NEURL1B: variants seen among roughly 807,000 people sequenced by gnomAD.
NEURL1B encodes the protein E3 ubiquitin-protein ligase NEURL1B.
In NEURL1B, 13 loss-of-function variants were observed where a neutral mutation model predicts 37.4. The observed-to-expected ratio is 0.35, with a 90% CI of 0.23 to 0.55. The LOEUF (loss-of-function observed/expected upper bound fraction) is 0.55. Among genes scored for constraint, NEURL1B ranks in the 20% least tolerant of loss-of-function variants. NEURL1B has a pLI of 0.89. For synonymous variants in NEURL1B, 432 were observed against 426.6 expected (o/e 1.01, Z -0.16); for missense variants, 790 against 879.2 (o/e 0.90, Z 1.28).
chr5:172,650,246 T>A (rs543343184), intron 1 of NEURL1B, among the ~76,000 whole-genome samples: 75 of 152,252 alleles, frequency 4.9e-4, no homozygotes, highest in African/African-American at 1.7e-3. Context: ...AACAAGCAGA[T>A]CTCCATGTCT....
Position 172,686,817 on chromosome 5 carries a change from C to T in NEURL1B, c.1560C>T (p.His520=), listed in dbSNP as rs1758510260. The T allele has an allele frequency of 6.4e-7, 1 of 1,551,770 alleles. No homozygotes were observed. Among genetic ancestry groups the T allele is most frequent in the Non-Finnish European group, 8.7e-7 (1 of 1,147,350 alleles). ...EVDTVIYTCG[H]MCLCHSCGLR... Reference sequence around the variant, plus strand: ...ACACGGTCATCTACACGTGTGGACACATGTGCCTGTGCCACAGCTGCGGCC... The same window carrying T: ...ACACGGTCATCTACACGTGTGGACATATGTGCCTGTGCCACAGCTGCGGCC... The change falls in exon 5 of 5, where the codon CAC becomes CAT. Residue 520 remains histidine (H), a synonymous_variant. Transcript: ENST00000369800. The surrounding 1 kb of genome is among the most constrained non-coding windows in gnomAD (Gnocchi z 7.9).
At chr5:172,653,077 G>T (rs903724818) in intron 1 of NEURL1B, among the ~76,000 whole-genome samples, 1 of 152,112 alleles carries the variant, frequency 6.6e-6, no homozygotes, top group Non-Finnish European at 1.5e-5. Context: ...GAACGTGATC[G>T]CCAGGTTGGT....
Position 172,686,422 on chromosome 5 carries a change from A to G in NEURL1B, c.1423+126A>G. 9.5e-7 allele frequency: 1 copy of G among 1,052,096 alleles called. No homozygotes were observed. Among genetic ancestry groups the G allele is most frequent in the Non-Finnish European group, 1.4e-6 (1 of 725,784 alleles). 65.2% of individuals were successfully genotyped at this position (1,052,096 alleles called of 1,614,324 possible). A position where few individuals can be genotyped will look rare whatever the true frequency, so the allele number is the denominator to read the frequency against. ...TTCCCCCGCATCCTCTCCTTCCCTC[A>G]GCTGTATGCTCAGCTGGAGGGAGGA... is the stretch of plus-strand genomic sequence containing the variant. On this transcript the variant is annotated intron_variant, in intron 4 of 4. Coordinates refer to ENST00000369800, the MANE Select transcript of NEURL1B (RefSeq NM_001142651.3). The surrounding 1 kb of genome is among the most constrained non-coding windows in gnomAD (Gnocchi z 7.9).
In NEURL1B at chr5:172,687,077, G is replaced by A. The variant is rs1758518525; in HGVS notation, c.*152G>A. 1.1e-6 allele frequency: 1 copy of A among 924,844 alleles called. No individual in the cohort carries two copies. Among genetic ancestry groups the A allele is most frequent in the Admixed American group, 2.9e-5 (1 of 34,148 alleles). 57.3% of individuals were successfully genotyped at this position (924,844 alleles called of 1,614,324 possible). A position where few individuals can be genotyped will look rare whatever the true frequency, so the allele number is the denominator to read the frequency against. On this transcript the variant is annotated 3_prime_UTR_variant, in exon 5 of 5. Coordinates refer to ENST00000369800, the MANE Select transcript of NEURL1B (RefSeq NM_001142651.3). ...GACAGTCGTGGAGCGAGGCCCACAG[G>A]GCCTCAGCCCAGGCAGGGGTTGCTT...
chr5:172,672,648 C>T (rs1419092444), intron 2 of NEURL1B, among the ~76,000 whole-genome samples: 1 of 151,168 alleles, frequency 6.6e-6, no homozygotes, highest in East Asian at 2.0e-4. Context: ...ACATGGCAGA[C>T]ATGAGCCTCA....
In NEURL1B at chr5:172,686,310, A is replaced by G; in HGVS notation, c.1423+14A>G. 1.9e-6 allele frequency: 3 copies of G among 1,551,438 alleles called. No homozygotes were observed. Among genetic ancestry groups the G allele is most frequent in the Non-Finnish European group, 2.6e-6 (3 of 1,146,830 alleles). On this transcript the variant is annotated intron_variant, in intron 4 of 4. Transcript: ENST00000369800. The surrounding 1 kb of genome is among the most constrained non-coding windows in gnomAD (Gnocchi z 7.9). ...AGTCATCCCTGGGTAAGGAAATGCA[A>G]ACCCTGGCAGGGGCAGGGGCTGGCG...
At chr5:172,669,751 G>T in intron 1 of NEURL1B, 34 bp from the exon 2 acceptor site, 1 of 1,234,288 alleles carries the variant, frequency 8.1e-7, no homozygotes, top group Middle Eastern at 3.3e-4. Flanking sequence ...GAGTTCGGAG[G>T]AGGCCTAACC....
rs1758547028 is a variant in NEURL1B, at chr5:172,687,961, C to T, written c.*1036C>T. 6.6e-6 allele frequency: 1 copy of T among 152,540 alleles called. No individual in the cohort carries two copies. Among genetic ancestry groups the T allele is most frequent in the African/African-American group, 2.4e-5 (1 of 41,432 alleles). 9.4% of individuals were successfully genotyped at this position (152,540 alleles called of 1,614,324 possible). ...TATAACTTTGGTTATAACTTTTGGT[C>T]TTTGTTCTGATTCTCAGTGTATCTT... On this transcript the variant is annotated 3_prime_UTR_variant, in exon 5 of 5. Coordinates refer to ENST00000369800, the MANE Select transcript of NEURL1B (RefSeq NM_001142651.3).
Position 172,656,464 on chromosome 5 carries a change from G to A in NEURL1B, c.32-13321G>A, listed in dbSNP as rs542390600. On this transcript the variant is annotated intron_variant, in intron 1 of 4. Coordinates refer to ENST00000369800, the MANE Select transcript of NEURL1B (RefSeq NM_001142651.3). ...AAGATGTTATGGCAGGGAATAGAGA[G>A]GTTTAAATACAGATGAAATAAAGGG... The A allele has an allele frequency of 1.3e-5, 18 of 1,435,526 alleles. No individual in the cohort carries two copies. In the African/African-American group the frequency reaches 2.3e-4, roughly 18 times the overall value. 88.9% of individuals were successfully genotyped at this position (1,435,526 alleles called of 1,614,324 possible).
rs1284229195 is a variant in NEURL1B at position 172,683,486 on chromosome 5, G to T, written c.645G>T (p.Pro215=). The T allele has an allele frequency of 1.3e-6, 2 of 1,498,654 alleles. No individual in the cohort carries two copies. The highest frequency in any genetic ancestry group is 2.7e-5 in the East Asian group (1 of 37,104). The allele number at this position is 1,498,654 out of a possible 1,614,324, so 92.8% of individuals were successfully genotyped here. A position where few individuals can be genotyped will look rare whatever the true frequency, so the allele number is the denominator to read the frequency against. ...LSQARFSACL[P]PSSHDAANFD... is the part of the protein sequence containing the mutation. ...AGGCCCGCTTCAGCGCCTGCCTGCC[G>T]CCCAGCAGCCACGACGCGGCCAACT... Residue 215 remains proline (P), a synonymous_variant, in exon 3 of 5, where the codon CCG becomes CCT. Coordinates refer to ENST00000369800, the MANE Select transcript of NEURL1B (RefSeq NM_001142651.3). The surrounding 1 kb of genome is among the most constrained non-coding windows in gnomAD (Gnocchi z 5.6).
intron 1 of NEURL1B, 140 bp from the exon 2 acceptor site, chr5:172,669,645 G>A (rs1758079731): frequency 3.1e-6 from 2 of 642,774 alleles, no homozygotes; most frequent in South Asian, 7.3e-5. Flanking sequence ...CTTTGGTCAA[G>A]CCTGGAACCT....
chr5:172,666,166 T>C (rs1301809530), intron 1 of NEURL1B, among the ~76,000 whole-genome samples: 3 of 148,314 alleles, frequency 2.0e-5, no homozygotes, highest in Admixed American at 6.6e-5. Context: ...GGTAAAATGG[T>C]AAAAAACAAA....
At chr5:172,651,529 G>A (rs1190064278) in intron 1 of NEURL1B, among the ~76,000 whole-genome samples, 2 of 152,180 alleles carry the variant, frequency 1.3e-5, no homozygotes. Flanking sequence ...TCCATTAGGG[G>A]CGGTGTTGTT....
chr5:172,684,168 C>T, intron 3 of NEURL1B, 30 bp downstream of exon 3: 1 of 1,215,636 alleles, frequency 8.2e-7, no homozygotes, highest in Non-Finnish European at 1.0e-6. Flanking sequence ...TGCGCGAGGC[C>T]CCGCCCCTCC....
chr5:172,681,270 A>G (rs1418990114), intron 2 of NEURL1B, among the ~76,000 whole-genome samples: 6 of 152,256 alleles, frequency 3.9e-5, no homozygotes, highest in African/African-American at 1.4e-4. Context: ...AAGGAAAACT[A>G]GATAATACAG....
chr5:172,663,135 G>A (rs758015890), intron 1 of NEURL1B, among the ~76,000 whole-genome samples: 5 of 151,258 alleles, frequency 3.3e-5, no homozygotes, highest in African/African-American at 9.7e-5. Context: ...AATCACTTGA[G>A]CCCGGGAGTT....
intron 3 of NEURL1B, among the ~76,000 whole-genome samples, chr5:172,685,248 C>G (rs1299385737): frequency 6.6e-6 from 1 of 152,204 alleles, no homozygotes; most frequent in Non-Finnish European, 1.5e-5. Flanking sequence ...ACAGTAACAA[C>G]AGCAGCTGTT....
At chr5:172,644,307 A>G (rs1581416593) in intron 1 of NEURL1B, among the ~76,000 whole-genome samples, 1 of 152,186 alleles carries the variant, frequency 6.6e-6, no homozygotes, top group Admixed American at 6.5e-5. Flanking sequence ...GGCTTGTCCC[A>G]GCTCACACAG....
chr5:172,672,540 T>TTC (rs146841497), intron 2 of NEURL1B, among the ~76,000 whole-genome samples: 1 of 136,202 alleles, frequency 7.3e-6, no homozygotes, highest in Non-Finnish European at 1.6e-5. Context: ...AGGTGAACTC[T>TTC]CCCCCCCCCA....
Sources: allele counts gnomAD v4.1 joint callset (sites outside exome capture counted in the v4.1 genomes callset), GRCh38; gene constraint gnomAD v4.1.1; non-coding constraint Gnocchi (gnomAD v3.1); transcripts MANE v1.5; gene names NCBI Gene and HGNC (gene_info 2026-07-23, HGNC 2026-07-21).